Variants in AKAP7 observed in about 807,000 individuals in gnomAD.
The protein encoded by AKAP7 is A kinase (PRKA) anchor protein 7.
Under a neutral mutation model 39.5 loss-of-function variants are expected in AKAP7, and 39 were observed. That is an observed-to-expected ratio of 0.99 (90% CI 0.76 to 1.29). The LOEUF is 1.29. AKAP7 is among the 50% of genes most tolerant of loss of function. The pLI is 0.00. For synonymous variants in AKAP7, 140 were observed against 139.1 expected, an observed-to-expected ratio of 1.01 and a Z score of -0.05; for missense variants, 414 against 407.7, an observed-to-expected ratio of 1.02 and a Z score of -0.13.
chr6:131,163,193 C>T (rs1486359543), intron 3 of AKAP7, among the ~76,000 whole-genome samples: 1 of 152,100 alleles, frequency 6.6e-6, no homozygotes, highest in Non-Finnish European at 1.5e-5. Context: ...TTTCAAGTGA[C>T]CTTGAAACCA....
chr6:131,265,262 G>A (rs1352793018), intron 7 of AKAP7, among the ~76,000 whole-genome samples: 1 of 152,106 alleles, frequency 6.6e-6, no homozygotes, highest in Non-Finnish European at 1.5e-5. Context: ...AGCCTCCCCA[G>A]TAACTGGGAT....
In AKAP7 at chr6:131,282,336, C is replaced by T; in HGVS notation, c.*610C>T. 4 of 1,347,300 alleles carry T rather than the reference C, an allele frequency of 3.0e-6. No individual in the cohort carries two copies. The highest frequency in any genetic ancestry group is 2.1e-5 in the South Asian group (1 of 46,828). 83.5% of individuals were successfully genotyped at this position (1,347,300 alleles called of 1,614,324 possible). On this transcript the variant is annotated 3_prime_UTR_variant, in exon 8 of 8. Transcript: ENST00000431975. ...AACATTTTAAAGTTTTTTTAAAATC[C>T]TATTTTGATAAGTCAGTATGCCATA...
chr6:131,237,872 A>T lies in AKAP7; in HGVS notation c.850+18064A>T, dbSNP rs1411880990. On this transcript the variant is annotated intron_variant, in intron 7 of 7. Coordinates refer to ENST00000431975, the MANE Select transcript of AKAP7 (RefSeq NM_016377.4). ...CAAAAACCAGCTCCTGGATTCACTGATTTTTTTGAAGGGTTTTTGTGTCTC... is the reference window on the plus strand; with the variant it reads ...CAAAAACCAGCTCCTGGATTCACTGTTTTTTTTGAAGGGTTTTTGTGTCTC... 2.6e-5 allele frequency among the ~76,000 whole-genome samples: 4 copies of T among 151,876 alleles called. 1 individual carries two copies. The highest frequency in any genetic ancestry group is 9.7e-5 in the African/African-American group (4 of 41,314).
chr6:131,172,109 C>A (rs565543177), intron 5 of AKAP7, among the ~76,000 whole-genome samples: 9 of 151,988 alleles, frequency 5.9e-5, no homozygotes, highest in Non-Finnish European at 1.2e-4. Flanking sequence ...GTTTTAAAAT[C>A]GAGAGAAAGA....
chr6:131,221,513 C>T (rs1257496978), intron 7 of AKAP7, among the ~76,000 whole-genome samples: 2 of 152,176 alleles, frequency 1.3e-5, no homozygotes, highest in Non-Finnish European at 2.9e-5. Context: ...TCAATGTAGA[C>T]AAAACAGCCT....
Position 131,161,644 on chromosome 6 carries a change from CAAAAAAAAAAAAAAAAAAAAAAAA to C in AKAP7, c.291+1463_291+1486del, listed in dbSNP as rs55744190. Among the ~76,000 whole-genome samples, 8 of 33,624 alleles carry C rather than the reference CAAAAAAAAAAAAAAAAAAAAAAAA, an allele frequency of 2.4e-4. 1 individual carries two copies. Among genetic ancestry groups the C allele is most frequent in the South Asian group, 2.1e-3 (1 of 470 alleles). The allele number at this position is 33,624 out of a possible 152,430, so 22.1% of individuals were successfully genotyped here. A position where few individuals can be genotyped will look rare whatever the true frequency, so the allele number is the denominator to read the frequency against. ...TGGGTGACAGAGCCAGACTGTATCT[CAAAAAAAAAAAAAAAAAAAAAAAA>C]AAAAAAAAAAAAAAAATTAAAGGTC... On this transcript the variant is annotated intron_variant, in intron 3 of 7. Transcript: ENST00000431975.
rs1408441944 is a variant in AKAP7 at position 131,283,394 on chromosome 6, T to C, written c.*1668T>C. On this transcript the variant is annotated 3_prime_UTR_variant, in exon 8 of 8. Transcript: ENST00000431975. ...GGAGGGGAAATCACTGGAGATCAAA[T>C]ATGTAAAATCATTTCAAATATAAAA... is the stretch of plus-strand genomic sequence containing the variant. 2.0e-5 allele frequency: 3 copies of C among 152,614 alleles called. No homozygotes were observed. The highest frequency in any genetic ancestry group is 4.1e-4 in the South Asian group (2 of 4,830). 9.5% of individuals were successfully genotyped at this position (152,614 alleles called of 1,614,324 possible).
chr6:131,262,454 A>G (rs1472669593), intron 7 of AKAP7, among the ~76,000 whole-genome samples: 2 of 152,074 alleles, frequency 1.3e-5, no homozygotes, highest in East Asian at 1.9e-4. Context: ...TTTTTTCCCC[A>G]TTGTTCCAAG....
At chr6:131,193,468 T>C (rs546323745) in intron 5 of AKAP7, among the ~76,000 whole-genome samples, 121 of 152,252 alleles carry the variant, frequency 7.9e-4, no homozygotes, top group Non-Finnish European at 1.5e-3. Context: ...ATTGTTGAAT[T>C]CAGTGATTTT....
intron 7 of AKAP7, among the ~76,000 whole-genome samples, chr6:131,277,299 G>T (rs1814826186): frequency 6.6e-6 from 1 of 152,084 alleles, no homozygotes; most frequent in Admixed American, 6.6e-5. Context: ...TATTCTGGGG[G>T]ATTTCTAAAA....
At chr6:131,269,832 T>C (rs1216836425) in intron 7 of AKAP7, among the ~76,000 whole-genome samples, 6 of 152,172 alleles carry the variant, frequency 3.9e-5, no homozygotes, top group Non-Finnish European at 8.8e-5. Flanking sequence ...TATTTTGGTA[T>C]GAAGCACACA....
intron 5 of AKAP7, among the ~76,000 whole-genome samples, chr6:131,181,996 G>C (rs776518063): frequency 6.6e-6 from 1 of 152,046 alleles, no homozygotes; most frequent in African/African-American, 2.4e-5. Flanking sequence ...CATGGTGGTG[G>C]GTACCTGTGA....
intron 7 of AKAP7, among the ~76,000 whole-genome samples, chr6:131,279,231 C>T (rs1471712056): frequency 6.6e-6 from 1 of 152,108 alleles, no homozygotes; most frequent in Non-Finnish European, 1.5e-5. Flanking sequence ...ATAATAGTAA[C>T]AGCATAAACA....
chr6:131,152,789 T>G (rs1562866444), intron 2 of AKAP7, among the ~76,000 whole-genome samples: 1 of 134,330 alleles, frequency 7.4e-6, no homozygotes. Context: ...ATTGCACCAC[T>G]GCACTGCAGC....
intron 5 of AKAP7, among the ~76,000 whole-genome samples, chr6:131,171,297 G>A (rs1804020546): frequency 6.6e-6 from 1 of 152,152 alleles, no homozygotes; most frequent in Admixed American, 6.5e-5. Context: ...AGTATAGCAG[G>A]CACATAGGAA....
intron 7 of AKAP7, among the ~76,000 whole-genome samples, chr6:131,241,575 ATATGTGTGTG>A (rs1811557549): frequency 1.6e-5 from 1 of 63,786 alleles, no homozygotes; most frequent in South Asian, 4.4e-4. Flanking sequence ...TAGATTATAT[ATATGTGTGTG>A]TGTGTGTGTG....
chr6:131,155,916 C>G (rs1802377801), intron 2 of AKAP7, among the ~76,000 whole-genome samples: 1 of 152,176 alleles, frequency 6.6e-6, no homozygotes, highest in Non-Finnish European at 1.5e-5. Context: ...AACTCTCATA[C>G]ATTGTATGCT....
At chr6:131,257,201 G>A (rs143863181) in intron 7 of AKAP7, among the ~76,000 whole-genome samples, 1 of 152,094 alleles carries the variant, frequency 6.6e-6, no homozygotes, top group East Asian at 1.9e-4. Context: ...AGCAAATAGT[G>A]TGTTAATTGC....
At chr6:131,213,703 A>G (rs1026940661) in intron 6 of AKAP7, among the ~76,000 whole-genome samples, 2 of 152,170 alleles carry the variant, frequency 1.3e-5, no homozygotes, top group African/African-American at 4.8e-5. Flanking sequence ...GAGAAAAGCC[A>G]CATGCAAGTA....
Sources: allele counts gnomAD v4.1 joint callset (sites outside exome capture counted in the v4.1 genomes callset), GRCh38; gene constraint gnomAD v4.1.1; transcripts MANE v1.5; gene names NCBI Gene and HGNC (gene_info 2026-07-23, HGNC 2026-07-21).